The following FAM171A1 variants were observed in gnomAD, a reference collection of about 807,000 sequenced individuals.
FAM171A1 encodes family with sequence similarity 171 member A1.
A neutral mutation model predicts 74.9 loss-of-function variants in FAM171A1; 23 were observed. The ratio of observed to expected loss-of-function variants is 0.31; its 90% CI spans 0.22 to 0.44. The LOEUF (loss-of-function observed/expected upper bound fraction) is 0.44. Ranked by LOEUF, FAM171A1 falls within the 20% of genes least tolerant of loss-of-function variation. The pLI is 1.00. For missense variants in FAM171A1, 1,162 were observed against 1,159.2 expected (o/e 1.00, Z -0.03); for synonymous variants, 527 against 505.7 (o/e 1.04, Z -0.57).
At chr10:15,371,537 C>T (rs542554310), upstream of FAM171A1, among the ~76,000 whole-genome samples, 11 of 152,124 alleles carry the variant, frequency 7.2e-5, no homozygotes, top group Admixed American at 2.0e-4. Context: ...CCGCAGGAGA[C>T]ATTGTATCTG....
In FAM171A1 at chr10:15,214,454, G is replaced by C; in HGVS notation, c.1134C>G (p.Ser378=). 1 of 1,614,146 alleles carries C rather than the reference G, an allele frequency of 6.2e-7. No individual in the cohort carries two copies. The highest frequency in any genetic ancestry group is 8.5e-7 in the Non-Finnish European group (1 of 1,180,036). The part of the protein sequence containing the change: ...RRASEFPGPL[S]VTSHGRPEAP... Reference sequence around the variant, plus strand: ...CCTCGGGGCGGCCGTGGCTGGTGACGGACAGCGGGCCAGGGAATTCTGACG... The same window carrying C: ...CCTCGGGGCGGCCGTGGCTGGTGACCGACAGCGGGCCAGGGAATTCTGACG... The change falls in exon 8 of 8, where the codon TCC becomes TCG. Residue 378 remains serine, a synonymous_variant. Coordinates refer to ENST00000378116, the MANE Select transcript of FAM171A1 (RefSeq NM_001010924.2).
chr10:15,346,665 T>A (rs965752210), intron 1 of FAM171A1, among the ~76,000 whole-genome samples: 3 of 152,170 alleles, frequency 2.0e-5, no homozygotes, highest in Non-Finnish European at 4.4e-5. Flanking sequence ...ACTCTTCTAA[T>A]ACAGAAGGCG....
At chr10:15,374,244 A>G (rs1836179220), upstream of FAM171A1, among the ~76,000 whole-genome samples, 1 of 152,230 alleles carries the variant, frequency 6.6e-6, no homozygotes, top group Non-Finnish European at 1.5e-5. Context: ...CCCATTTTGC[A>G]GATGCCCTTG....
chr10:15,370,026 C>G (rs7896319), intron 1 of FAM171A1, among the ~76,000 whole-genome samples: 1 of 152,100 alleles, frequency 6.6e-6, no homozygotes, highest in South Asian at 2.1e-4. Context: ...CAGAGGAGTC[C>G]TCGACGCTGT....
intron 3 of FAM171A1, among the ~76,000 whole-genome samples, chr10:15,267,427 AC>A (rs1219990079): frequency 6.6e-6 from 1 of 151,940 alleles, no homozygotes; most frequent in African/African-American, 2.4e-5. Flanking sequence ...ACATGGTGAA[AC>A]CACGTCTCTA....
intron 1 of FAM171A1, 41 bp downstream of exon 1, chr10:15,370,915 G>C: frequency 2.0e-6 from 2 of 982,858 alleles, no homozygotes; most frequent in Non-Finnish European, 2.5e-6. Flanking sequence ...CGCCAGGCCC[G>C]GCGCGACACA....
intron 3 of FAM171A1, among the ~76,000 whole-genome samples, chr10:15,270,514 G>A (rs1483631281): frequency 2.0e-5 from 3 of 152,226 alleles, no homozygotes; most frequent in Non-Finnish European, 4.4e-5. Context: ...CTGTTTGACA[G>A]CTCTGAACAG....
At chr10:15,341,768 G>C (rs1835767057) in intron 1 of FAM171A1, among the ~76,000 whole-genome samples, 1 of 152,136 alleles carries the variant, frequency 6.6e-6, no homozygotes, top group Admixed American at 6.5e-5. Context: ...AATATACCCT[G>C]ACACATCACG....
intron 1 of FAM171A1, among the ~76,000 whole-genome samples, chr10:15,359,968 T>C (rs1433310346): frequency 1.3e-5 from 2 of 152,212 alleles, no homozygotes; most frequent in Non-Finnish European, 2.9e-5. Context: ...AGGGTCTTGT[T>C]CTGTTGCTCC....
intron 1 of FAM171A1, among the ~76,000 whole-genome samples, chr10:15,370,491 C>G (rs1013269034): frequency 6.6e-6 from 1 of 151,990 alleles, no homozygotes; most frequent in African/African-American, 2.4e-5. Flanking sequence ...CCCGCCACAA[C>G]AAAAGGCCCC....
chr10:15,244,929 G>T (rs930866626), intron 5 of FAM171A1, among the ~76,000 whole-genome samples: 1 of 152,162 alleles, frequency 6.6e-6, no homozygotes, highest in Non-Finnish European at 1.5e-5. Flanking sequence ...CTTTTGTGAT[G>T]ACTAATTTTG....
chr10:15,313,052 CCT>C (rs959025437), intron 1 of FAM171A1, among the ~76,000 whole-genome samples: 6 of 152,242 alleles, frequency 3.9e-5, no homozygotes, highest in Non-Finnish European at 7.4e-5. Flanking sequence ...CAAGCAGACC[CCT>C]GATTTCCATT....
At position 15,290,895 on chromosome 10, in the gene FAM171A1, G is replaced by A. The variant is rs567558550; in HGVS notation, c.98-6790C>T. ...GAGGGGTCTGGGCCACCCATGTACCGCCGTTTTGTTTTGTTTAGAGTCTTA... is the reference window on the plus strand; with the variant it reads ...GAGGGGTCTGGGCCACCCATGTACCACCGTTTTGTTTTGTTTAGAGTCTTA... On this transcript the variant is annotated intron_variant, in intron 1 of 7. Coordinates refer to ENST00000378116, the MANE Select transcript of FAM171A1 (RefSeq NM_001010924.2). 1.9e-4 allele frequency among the ~76,000 whole-genome samples: 29 copies of A among 152,206 alleles called. No individual in the cohort carries two copies. In the South Asian group the frequency reaches 2.1e-3, roughly 11 times the overall value.
intron 1 of FAM171A1, among the ~76,000 whole-genome samples, chr10:15,331,252 T>A (rs981268333): frequency 3.4e-4 from 52 of 152,152 alleles, no homozygotes; most frequent in African/African-American, 1.3e-3. Context: ...AACATCCCTG[T>A]GGAGGGGAGG....
chr10:15,349,694 G>A (rs1024872271), intron 1 of FAM171A1, among the ~76,000 whole-genome samples: 3 of 152,180 alleles, frequency 2.0e-5, no homozygotes, highest in Non-Finnish European at 4.4e-5. Context: ...ACCGATCTGG[G>A]TGTAAATGGC....
intron 3 of FAM171A1, among the ~76,000 whole-genome samples, chr10:15,262,928 C>T (rs1290878066): frequency 6.6e-6 from 1 of 152,210 alleles, no homozygotes; most frequent in Admixed American, 6.5e-5. Flanking sequence ...GCGTGCTTCC[C>T]TGACGGCCTG....
chr10:15,308,447 T>C (rs1213404030), intron 1 of FAM171A1, among the ~76,000 whole-genome samples: 2 of 152,200 alleles, frequency 1.3e-5, no homozygotes, highest in Non-Finnish European at 2.9e-5. Flanking sequence ...GGACATCTTA[T>C]CTTGACAAAC....
rs138018927 is a variant in FAM171A1, at chr10:15,213,719, G to A, written c.1869C>T (p.Ala623=). 5.8e-4 allele frequency: 928 copies of A among 1,612,280 alleles called. 1 individual carries two copies. The highest frequency in any genetic ancestry group is 7.3e-4 in the Non-Finnish European group (864 of 1,178,844). ...RLQAELSNPH[A]GIFPHPSSQI... is the part of the protein sequence containing the mutation. ...GTGAGGACGGGTGTGGGAAGATCCC[G>A]GCATGGGGATTGGACAGCTCAGCCT... Residue 623 remains alanine, a synonymous_variant, in exon 8 of 8, where the codon GCC becomes GCT. Coordinates refer to ENST00000378116, the MANE Select transcript of FAM171A1 (RefSeq NM_001010924.2). This position sits in a 1 kb window ranked among gnomAD's most constrained non-coding sequence, Gnocchi z 6.8.
rs1833917477 is a variant in FAM171A1 at position 15,213,277 on chromosome 10, C to G, written c.2311G>C (p.Glu771Gln). The change falls in exon 8 of 8, where the codon GAG becomes CAG. Residue 771 changes from glutamate (E) to glutamine (Q), a missense_variant. Coordinates refer to ENST00000378116, the MANE Select transcript of FAM171A1 (RefSeq NM_001010924.2). The surrounding 1 kb of genome is among the most constrained non-coding windows in gnomAD (Gnocchi z 6.8). The stretch of plus-strand genomic sequence containing the variant: ...GCTCGAGGCTCTTTCTGCTGGTGCT[C>G]TTGGACGGGCGGGTAGTTCTGCTGC... Reference protein sequence around the residue: ...SLQQNYPPVQEHQQKEPRAPD... With the variant: ...SLQQNYPPVQQHQQKEPRAPD... The G allele has an allele frequency of 6.2e-7, 1 of 1,613,976 alleles. No homozygotes were observed. The highest frequency in any genetic ancestry group is 1.3e-5 in the African/African-American group (1 of 74,906).
Sources: gnomAD v4.1 joint callset for allele counts (sites outside exome capture counted in the v4.1 genomes callset) on GRCh38, gnomAD v4.1.1 for gene constraint, Gnocchi (gnomAD v3.1) non-coding constraint, MANE v1.5 for transcripts, NCBI Gene and HGNC (gene_info 2026-07-23, HGNC 2026-07-21) for gene names.